Variants in PTPRD observed in about 807,000 individuals in gnomAD.
The protein encoded by PTPRD is receptor-type tyrosine-protein phosphatase delta.
In PTPRD, 34 loss-of-function variants were observed where a neutral mutation model predicts 214.5. That is an observed-to-expected ratio of 0.16 (90% confidence interval 0.12 to 0.21). PTPRD has a LOEUF of 0.21. Ranked by LOEUF, PTPRD falls within the 10% of genes least tolerant of loss-of-function variation. The pLI, the probability that PTPRD is intolerant of heterozygous loss-of-function variation, is 1.00. For missense variants in PTPRD, 2,545 were observed against 2,398.7 expected (o/e 1.06, Z -1.27); for synonymous variants, 1,128 against 845.7 (o/e 1.33, Z -5.79).
intron 5 of PTPRD, among the ~76,000 whole-genome samples, chr9:9,828,067 T>C (rs1344751273): frequency 1.3e-5 from 2 of 152,152 alleles, no homozygotes; most frequent in African/African-American, 2.4e-5. Context: ...GACTGTAAAC[T>C]AGCTCAACCC....
chr9:8,810,050 T>C (rs1057281068), intron 11 of PTPRD, among the ~76,000 whole-genome samples: 1 of 152,178 alleles, frequency 6.6e-6, no homozygotes, highest in Non-Finnish European at 1.5e-5. Flanking sequence ...GCTCCCCTAA[T>C]GGATATGACA....
intron 2 of PTPRD, among the ~76,000 whole-genome samples, chr9:10,342,174 G>C (rs1034388837): frequency 6.6e-6 from 1 of 152,014 alleles, no homozygotes; most frequent in Admixed American, 6.6e-5. Flanking sequence ...TTCACTGGAA[G>C]ATCATCAGAT....
intron 5 of PTPRD, among the ~76,000 whole-genome samples, chr9:9,848,339 C>A (rs1047072823): frequency 1.3e-5 from 2 of 151,996 alleles, no homozygotes; most frequent in Non-Finnish European, 2.9e-5. Context: ...GGCCACTAGA[C>A]CATATGCTTC....
chr9:9,354,377 C>T (rs948993209), intron 9 of PTPRD, among the ~76,000 whole-genome samples: 1 of 151,760 alleles, frequency 6.6e-6, no homozygotes, highest in African/African-American at 2.4e-5. Flanking sequence ...AGATTTTATA[C>T]ACTTTTGCAG....
At chr9:10,367,890 A>T (rs974262702) in intron 2 of PTPRD, among the ~76,000 whole-genome samples, 1 of 151,872 alleles carries the variant, frequency 6.6e-6, no homozygotes, top group Non-Finnish European at 1.5e-5. Context: ...GGGTTAAGAA[A>T]ATCTGCTTTA....
intron 2 of PTPRD, among the ~76,000 whole-genome samples, chr9:10,435,056 C>G (rs1340054267): frequency 6.6e-6 from 1 of 151,820 alleles, no homozygotes; most frequent in African/African-American, 2.4e-5. Flanking sequence ...ATTTGAATCT[C>G]AAGTAAGAAT....
intron 8 of PTPRD, among the ~76,000 whole-genome samples, chr9:9,437,009 A>G (rs2085544285): frequency 6.6e-6 from 1 of 152,096 alleles, no homozygotes; most frequent in Admixed American, 6.6e-5. Context: ...TGTTTGTGTT[A>G]TGTAGTACAA....
chr9:8,356,759 G>A (rs868267791), intron 39 of PTPRD, among the ~76,000 whole-genome samples: 1 of 152,036 alleles, frequency 6.6e-6, no homozygotes, highest in African/African-American at 2.4e-5. Context: ...TCCTTATAGA[G>A]TATATTACAT....
chr9:9,469,262 T>C (rs1208888153), intron 8 of PTPRD, among the ~76,000 whole-genome samples: 6 of 152,154 alleles, frequency 3.9e-5, no homozygotes, highest in Admixed American at 2.0e-4. Context: ...AATGCAGCTA[T>C]TAGAAAATTT....
chr9:9,897,398 T>A (rs994009608), intron 5 of PTPRD, among the ~76,000 whole-genome samples: 1 of 152,044 alleles, frequency 6.6e-6, no homozygotes, highest in African/African-American at 2.4e-5. Context: ...TTTATTAGGA[T>A]TTTTGTAAGT....
intron 5 of PTPRD, among the ~76,000 whole-genome samples, chr9:9,842,709 A>G (rs2058631712): frequency 6.7e-6 from 1 of 148,414 alleles, no homozygotes; most frequent in Admixed American, 6.8e-5. Flanking sequence ...TCATTGCTTC[A>G]TTGGCTTTAC....
chr9:8,477,407 T>A (rs751631763), intron 30 of PTPRD, among the ~76,000 whole-genome samples: 18 of 152,210 alleles, frequency 1.2e-4, no homozygotes, highest in Non-Finnish European at 2.6e-4. Context: ...AAGTAAAGTT[T>A]TACTGATTTC....
At chr9:9,959,586 C>T (rs2094204191) in intron 4 of PTPRD, among the ~76,000 whole-genome samples, 2 of 152,118 alleles carry the variant, frequency 1.3e-5, no homozygotes, top group Non-Finnish European at 2.9e-5. Flanking sequence ...AAAAACCTCA[C>T]TGAAGAGAAT....
At chr9:10,197,756 AT>A (rs2099403732) in intron 3 of PTPRD, among the ~76,000 whole-genome samples, 1 of 152,066 alleles carries the variant, frequency 6.6e-6, no homozygotes. Flanking sequence ...ATAGAGAAGA[AT>A]TTTTATTCAG....
At chr9:8,849,516 G>A (rs1047016291) in intron 11 of PTPRD, among the ~76,000 whole-genome samples, 4 of 152,146 alleles carry the variant, frequency 2.6e-5, no homozygotes, top group South Asian at 2.1e-4. Flanking sequence ...GTGAGCCACC[G>A]CGCCTGGTCC....
rs566696820 is a variant in PTPRD at position 10,039,018 on chromosome 9, G to A, written c.-544-5228C>T. On this transcript the variant is annotated intron_variant, in intron 3 of 45. Transcript: ENST00000381196. ...TCTAGGTACAAAAATGTATGACTAT[G>A]AAAAAAGTTACCCTAAATGCCATCT... Among the ~76,000 whole-genome samples, 8 of 152,044 alleles carry A rather than the reference G, an allele frequency of 5.3e-5. No individual in the cohort carries two copies. In the South Asian group the frequency reaches 1.5e-3, roughly 28 times the overall value.
At chr9:9,514,320 G>C (rs1450639585) in intron 8 of PTPRD, among the ~76,000 whole-genome samples, 1 of 151,968 alleles carries the variant, frequency 6.6e-6, no homozygotes, top group Non-Finnish European at 1.5e-5. Flanking sequence ...TTTTTTGATG[G>C]CATACAGGAA....
At chr9:10,356,570 A>G (rs1276992402) in intron 2 of PTPRD, among the ~76,000 whole-genome samples, 1 of 152,244 alleles carries the variant, frequency 6.6e-6, no homozygotes, top group Non-Finnish European at 1.5e-5. Flanking sequence ...ACATAACTAC[A>G]GTTGCAGAGA....
intron 9 of PTPRD, among the ~76,000 whole-genome samples, chr9:9,264,288 G>C (rs1211331242): frequency 6.6e-6 from 1 of 151,514 alleles, no homozygotes; most frequent in Non-Finnish European, 1.5e-5. Context: ...ACAGAACACA[G>C]ATAAACAACT....
Sources: gnomAD v4.1 joint callset for allele counts (sites outside exome capture counted in the v4.1 genomes callset) on GRCh38, gnomAD v4.1.1 for gene constraint, MANE v1.5 for transcripts, NCBI Gene and HGNC (gene_info 2026-07-23, HGNC 2026-07-21) for gene names.